The following SPTBN1 variants were observed in gnomAD, a reference collection of about 807,000 sequenced individuals.
The protein encoded by SPTBN1 is spectrin beta chain, non-erythrocytic 1.
Under a neutral mutation model 266.4 loss-of-function variants are expected in SPTBN1, and 32 were observed. That is an observed-to-expected ratio of 0.12 (90% confidence interval 0.09 to 0.16). The LOEUF is 0.16. SPTBN1 is among the 10% of genes least tolerant of loss of function. The pLI is 1.00. For synonymous variants in SPTBN1, 1,336 were observed against 1,162.2 expected (o/e 1.15, Z -3.04); for missense variants, 2,296 against 3,067.1 (o/e 0.75, Z 5.94).
chr2:54,502,036 A>G (rs1039520581), intron 1 of SPTBN1, among the ~76,000 whole-genome samples: 1 of 152,226 alleles, frequency 6.6e-6, no homozygotes, highest in African/African-American at 2.4e-5. Flanking sequence ...TCCTGACAGC[A>G]TCACTCTCCA....
At chr2:54,472,491 G>A (rs1693979915) in intron 1 of SPTBN1, among the ~76,000 whole-genome samples, 1 of 152,174 alleles carries the variant, frequency 6.6e-6, no homozygotes, top group Admixed American at 6.5e-5. Context: ...TTCTTAGTAA[G>A]CTCATTGGTA....
chr2:54,633,494 C>A (rs1184040802), intron 17 of SPTBN1, among the ~76,000 whole-genome samples: 1 of 152,046 alleles, frequency 6.6e-6, no homozygotes, highest in Non-Finnish European at 1.5e-5. Flanking sequence ...CTCTGTTTGA[C>A]CCTAACTCTT....
At chr2:54,557,044 G>A (rs552269189) in intron 2 of SPTBN1, among the ~76,000 whole-genome samples, 6 of 152,336 alleles carry the variant, frequency 3.9e-5, no homozygotes, top group Admixed American at 3.9e-4. Context: ...CATCTTAGAT[G>A]ATAAGAAATG....
In SPTBN1 at chr2:54,554,602, T is replaced by C. The variant is rs1296556429; in HGVS notation, c.148+28036T>C. On this transcript the variant is annotated intron_variant, in intron 2 of 35. Transcript: ENST00000356805. This position sits in a 1 kb window ranked among gnomAD's most constrained non-coding sequence, Gnocchi z 4.5. ...TTATGACCATAGATTCCAAACTGTT[T>C]GGTTTATAGACGAAGATTGAGAGGC... 6.6e-6 allele frequency among the ~76,000 whole-genome samples: 1 copy of C among 152,162 alleles called. No individual in the cohort carries two copies. The highest frequency in any genetic ancestry group is 1.5e-5 in the Non-Finnish European group (1 of 68,034).
At chr2:54,659,346 G>A (rs1680885050) in intron 31 of SPTBN1, 80 bp downstream of exon 31, 7 of 1,364,672 alleles carry the variant, frequency 5.1e-6, no homozygotes, top group Middle Eastern at 4.8e-4. Flanking sequence ...CTGAAGCCTT[G>A]CATTGCTAGG....
intron 2 of SPTBN1, among the ~76,000 whole-genome samples, chr2:54,544,571 C>T (rs760484162): frequency 2.0e-5 from 3 of 152,006 alleles, no homozygotes; most frequent in Non-Finnish European, 2.9e-5. Flanking sequence ...CTGTCAAGCA[C>T]AAGAGATACA....
In SPTBN1 at chr2:54,484,757, G is replaced by A. The variant is rs957692632; in HGVS notation, c.-48+28239G>A. 1.0e-4 allele frequency among the ~76,000 whole-genome samples: 7 copies of A among 67,844 alleles called. No individual in the cohort carries two copies. The South Asian group carries it at 1.3e-3, about 13-fold the overall frequency. The allele number at this position is 67,844 out of a possible 152,430, so 44.5% of individuals were successfully genotyped here. On this transcript the variant is annotated intron_variant, in intron 1 of 35. Transcript: ENST00000356805. ...TCCCTTCATCCTTTTGCCTGTACCC[G>A]GCGTGGGGTGGTTGTGTCGGAGACA... is the stretch of plus-strand genomic sequence containing the variant.
At chr2:54,603,034 C>T (rs80191703) in intron 3 of SPTBN1, among the ~76,000 whole-genome samples, 1 of 152,150 alleles carries the variant, frequency 6.6e-6, no homozygotes, top group Non-Finnish European at 1.5e-5. Flanking sequence ...GGTCTAATCA[C>T]ACAAACTTGA....
At chr2:54,553,094 T>C (rs763735196) in intron 2 of SPTBN1, among the ~76,000 whole-genome samples, 6 of 152,270 alleles carry the variant, frequency 3.9e-5, no homozygotes, top group Non-Finnish European at 8.8e-5. Context: ...ATATAATTTC[T>C]TCTGTCTTTT....
In SPTBN1 at chr2:54,656,101, C is replaced by T. The variant is rs185861084; in HGVS notation, c.6046+103C>T. The T allele has an allele frequency of 7.6e-4, 794 of 1,038,518 alleles. 7 individuals are homozygous for T. In the Middle Eastern group the frequency reaches 0.028, roughly 37 times the overall value. 64.3% of individuals were successfully genotyped at this position (1,038,518 alleles called of 1,614,324 possible). A position where few individuals can be genotyped will look rare whatever the true frequency, so the allele number is the denominator to read the frequency against. On this transcript the variant is annotated intron_variant, in intron 29 of 35. Coordinates refer to ENST00000356805, the MANE Select transcript of SPTBN1 (RefSeq NM_003128.3). ...TTAATGTTATCATTTAAAGATTGTTCGAGTTGTAGATGCCTTTTTAGTGCC... is the reference window on the plus strand; with the variant it reads ...TTAATGTTATCATTTAAAGATTGTTTGAGTTGTAGATGCCTTTTTAGTGCC...
chr2:54,617,262 T>C (rs1677668282), intron 5 of SPTBN1, among the ~76,000 whole-genome samples: 2 of 152,282 alleles, frequency 1.3e-5, no homozygotes, highest in Admixed American at 1.3e-4. Flanking sequence ...TCCTGGTGTC[T>C]TTGTAGGTAG....
intron 2 of SPTBN1, chr2:54,546,471 CTGCT>C (rs964620957): frequency 1.1e-4 from 17 of 152,162 alleles, no homozygotes; most frequent in Admixed American, 9.2e-4. Context: ...GTGTACCTGC[CTGCT>C]TGAGTATGAT....
intron 17 of SPTBN1, among the ~76,000 whole-genome samples, chr2:54,634,320 G>C (rs1351834333): frequency 6.6e-6 from 1 of 152,224 alleles, no homozygotes; most frequent in Non-Finnish European, 1.5e-5. Context: ...CGTTTCAGCA[G>C]CAGCAGCCCT....
rs761252797 is a variant in SPTBN1, at chr2:54,648,977, C to G, written c.4998-9C>G. On this transcript the variant is annotated splice_polypyrimidine_tract_variant and intron_variant, in intron 24 of 35. Coordinates refer to ENST00000356805, the MANE Select transcript of SPTBN1 (RefSeq NM_003128.3). The stretch of plus-strand genomic sequence containing the variant: ...CCTTTTTCTCCCCATTGCTCCTTTT[C>G]TTTTTCAGTGAGCGCATTAGCATGC... 2.3e-5 allele frequency: 36 copies of G among 1,582,628 alleles called. No homozygotes were observed. Among genetic ancestry groups the G allele is most frequent in the African/African-American group, 1.3e-5 (1 of 74,416 alleles).
At chr2:54,522,688 A>G (rs1020160392) in intron 1 of SPTBN1, among the ~76,000 whole-genome samples, 2 of 141,880 alleles carry the variant, frequency 1.4e-5, no homozygotes, top group Admixed American at 7.2e-5. Flanking sequence ...GGAGAGAGAG[A>G]GAGAGAGAGA....
At chr2:54,579,592 G>A (rs970323709) in intron 2 of SPTBN1, among the ~76,000 whole-genome samples, 2 of 152,178 alleles carry the variant, frequency 1.3e-5, no homozygotes, top group African/African-American at 2.4e-5. Context: ...GGCATATTAA[G>A]GGAGCCCAGC....
chr2:54,460,136 C>G (rs1213164319), intron 1 of SPTBN1, among the ~76,000 whole-genome samples: 1 of 152,204 alleles, frequency 6.6e-6, no homozygotes, highest in Non-Finnish European at 1.5e-5. Context: ...AGGCCCCACT[C>G]TGAACTCAGC....
rs148017310 is a variant in SPTBN1 at position 54,636,710 on chromosome 2, A to T, written c.3768-1003A>T. 1.6e-3 allele frequency among the ~76,000 whole-genome samples: 248 copies of T among 152,362 alleles called. 4 individuals carry two copies. The South Asian group carries it at 0.036, about 22-fold the overall frequency. ...AGAGACCTTGTGCAGGCACAGGCAGAGAGAAATTGCTCTAAGAATCGAATG... is the reference window on the plus strand; with the variant it reads ...AGAGACCTTGTGCAGGCACAGGCAGTGAGAAATTGCTCTAAGAATCGAATG... On this transcript the variant is annotated intron_variant, in intron 17 of 35. Transcript: ENST00000356805.
intron 1 of SPTBN1, among the ~76,000 whole-genome samples, chr2:54,472,359 A>G (rs950955086): frequency 1.3e-5 from 2 of 152,056 alleles, no homozygotes. Context: ...TATATTTTAT[A>G]TGTTTGATAG....
Sources: allele counts gnomAD v4.1 joint callset (sites outside exome capture counted in the v4.1 genomes callset), GRCh38; gene constraint gnomAD v4.1.1; non-coding constraint Gnocchi (gnomAD v3.1); transcripts MANE v1.5; gene names NCBI Gene and HGNC (gene_info 2026-07-23, HGNC 2026-07-21).